Variants in API5 observed in about 807,000 individuals in gnomAD.
API5 encodes apoptosis inhibitor 5, also known as FIF.
API5 carries 6 observed loss-of-function variants against 71.9 expected under a neutral mutation model. The ratio of observed to expected loss-of-function variants is 0.08; its 90% CI spans 0.05 to 0.16. API5 has a LOEUF of 0.16. Among genes scored for constraint, API5 ranks in the 10% least tolerant of loss-of-function variants. API5 has a pLI of 1.00. For synonymous variants in API5, 189 were observed against 221.3 expected (o/e 0.85, Z 1.30); for missense variants, 332 against 612.8 (o/e 0.54, Z 4.84).
At position 43,323,556 on chromosome 11, in the gene API5, G is replaced by A; in HGVS notation, c.670G>A (p.Glu224Lys). The A allele has an allele frequency of 6.2e-7, 1 of 1,614,130 alleles. No homozygotes were observed. The highest frequency in any genetic ancestry group is 8.5e-7 in the Non-Finnish European group (1 of 1,179,996). Residue 224 changes from glutamate to lysine, a missense_variant, in exon 6 of 14, where the codon GAA becomes AAA. Glu to Lys is a moderately conservative substitution (Grantham distance 56). Around this residue, in one of 3 missense-constraint regions of API5, gnomAD observed 37 missense variants for 31.3 expected, o/e 1.18. Coordinates refer to ENST00000531273, the MANE Select transcript of API5 (RefSeq NM_001142930.2). ...GTTGGTGGCTGAACAGGCCGACCTA[G>A]AACAGACCTTCAATCCCTCGGATCC... Reference protein sequence around the residue: ...VELVAEQADLEQTFNPSDPDC... With the variant: ...VELVAEQADLKQTFNPSDPDC...
intron 7 of API5, among the ~76,000 whole-genome samples, chr11:43,327,127 A>C (rs953817203): frequency 1.3e-5 from 2 of 152,214 alleles, no homozygotes; most frequent in Non-Finnish European, 2.9e-5. Context: ...TCAAGCACCC[A>C]ATAGTGATTA....
In API5 at chr11:43,321,403, T is replaced by C. The variant is rs1854886259; in HGVS notation, c.326-8T>C. The stretch of plus-strand genomic sequence containing the variant: ...TTATATTCATTATGCCACTTTTTCT[T>C]TATCCAGATGACTCTGCAGAATTTA... On this transcript the variant is annotated splice_polypyrimidine_tract_variant and splice_region_variant and intron_variant, in intron 3 of 13. Transcript: ENST00000531273. 7 of 1,600,614 alleles carry C rather than the reference T, an allele frequency of 4.4e-6. No homozygotes were observed. The South Asian group carries it at 7.9e-5, about 18-fold the overall frequency.
At chr11:43,329,381 A>AC in intron 9 of API5, 1 of 154,672 alleles carries the variant, frequency 6.5e-6, no homozygotes, top group Non-Finnish European at 1.4e-5. Context: ...AAAAAATTAA[A>AC]AGACAGAAAT....
chr11:43,330,667 C>T (rs750106472), intron 11 of API5, 103 bp downstream of exon 11: 63 of 881,870 alleles, frequency 7.1e-5, no homozygotes, highest in Non-Finnish European at 5.9e-5. Flanking sequence ...GGGAGGCATG[C>T]AAACTTCTTC....
At chr11:43,323,363 CTT>C (rs756494299) in intron 5 of API5, 65 bp from the exon 6 acceptor site, 141 of 1,336,456 alleles carry the variant, frequency 1.1e-4, no homozygotes, top group Non-Finnish European at 1.2e-4. Context: ...TAGCTATTCT[CTT>C]TCAGTGTTGA....
At chr11:43,336,030 G>A (rs748719759) in intron 13 of API5, 36 bp downstream of exon 13, 1 of 1,605,568 alleles carries the variant, frequency 6.2e-7, no homozygotes, top group Admixed American at 1.7e-5. Context: ...GAATATGAGA[G>A]ATTAGGCAGA....
intron 13 of API5, chr11:43,340,170 A>G (rs1384561137): frequency 9.7e-6 from 3 of 309,958 alleles, no homozygotes; most frequent in South Asian, 8.0e-5. Flanking sequence ...AAAGAAATCA[A>G]GGTAACCCCA....
At position 43,322,088 on chromosome 11, in the gene API5, A is replaced by C. The variant is rs1232489364; in HGVS notation, c.495A>C (p.Glu165Asp). The C allele has an allele frequency of 6.2e-7, 1 of 1,613,202 alleles. No individual in the cohort carries two copies. Among genetic ancestry groups the C allele is most frequent in the Non-Finnish European group, 8.5e-7 (1 of 1,179,734 alleles). Residue 165 changes from glutamate (E) to aspartate (D), a missense_variant, in exon 5 of 14, where the codon GAA (glutamate) becomes GAC (aspartate). Physicochemically the swap from Glu to Asp is conservative, Grantham distance 45 (BLOSUM62 2). Coordinates refer to ENST00000531273, the MANE Select transcript of API5 (RefSeq NM_001142930.2). Reference sequence around the variant, plus strand: ...CAAAACTTAAGACTTTACCAGATGAAGTCTTAACAAAGGAAGTGGAAGAGC... The same window carrying C: ...CAAAACTTAAGACTTTACCAGATGACGTCTTAACAAAGGAAGTGGAAGAGC... ...LSTKLKTLPD[E>D]VLTKEVEELI...
rs746424908 is a variant in API5, at chr11:43,312,120, C to T, written c.-8C>T. 13 of 1,613,410 alleles carry T rather than the reference C, an allele frequency of 8.1e-6. No homozygotes were observed. In the Admixed American group the frequency reaches 2.0e-4, roughly 25 times the overall value. On this transcript the variant is annotated 5_prime_UTR_variant, in exon 1 of 14. Coordinates refer to ENST00000531273, the MANE Select transcript of API5 (RefSeq NM_001142930.2). ...TAGCGGAACCGGGCCCTGGGCTTGTCGCTCACCATGCCGACAGTAGAGGAG... is the reference window on the plus strand; with the variant it reads ...TAGCGGAACCGGGCCCTGGGCTTGTTGCTCACCATGCCGACAGTAGAGGAG...
intron 12 of API5, 62 bp from the exon 13 acceptor site, chr11:43,335,796 T>C: frequency 6.6e-7 from 1 of 1,508,292 alleles, no homozygotes; most frequent in South Asian, 1.3e-5. Context: ...AAATTATAAA[T>C]GTATTGATAG....
At chr11:43,323,783 A>G (rs940623476) in intron 6 of API5, 147 bp downstream of exon 6, 10 of 789,602 alleles carry the variant, frequency 1.3e-5, no homozygotes, top group Admixed American at 1.1e-4. Context: ...ATTTTTGAAT[A>G]TTTGCATTGT....
chr11:43,335,780 T>TA, intron 12 of API5, 78 bp from the exon 13 acceptor site: 1 of 1,443,082 alleles, frequency 6.9e-7, no homozygotes, highest in Non-Finnish European at 9.3e-7. Context: ...TCCTAACTGA[T>TA]ATGCTAAATT....
chr11:43,312,205 A>C lies in API5; in HGVS notation c.69+9A>C, dbSNP rs1854496285. 1 of 1,612,990 alleles carries C rather than the reference A, an allele frequency of 6.2e-7. No homozygotes were observed. Among genetic ancestry groups the C allele is most frequent in the Non-Finnish European group, 8.5e-7 (1 of 1,179,356 alleles). On this transcript the variant is annotated intron_variant, in intron 1 of 13. Transcript: ENST00000531273. ...CGGAGCAAGTGGGCCAGGTGAGTTG[A>C]GTCCCCGGGCGGCCTGCAGGGCCTG...
In API5 at chr11:43,322,062, A is replaced by G. The variant is rs1364477720; in HGVS notation, c.469A>G (p.Thr157Ala). The change falls in exon 5 of 14, where the codon ACA becomes GCA. Residue 157 changes from threonine to alanine, a missense_variant. Physicochemically the swap from Thr to Ala is moderately conservative, Grantham distance 58. This residue lies in a region of API5 where 127 missense variants were observed against 237.6 expected (regional missense o/e 0.53). Transcript: ENST00000531273. ...VRERAIKFLSTKLKTLPDEVL... is the reference protein window; with the variant it reads ...VRERAIKFLSAKLKTLPDEVL... ...AGAACGAGCAATTAAATTCCTTTCT[A>G]CAAAACTTAAGACTTTACCAGATGA... is the stretch of plus-strand genomic sequence containing the variant. 1.2e-6 allele frequency: 2 copies of G among 1,613,762 alleles called. No homozygotes were observed. The highest frequency in any genetic ancestry group is 2.2e-5 in the East Asian group (1 of 44,822).
intron 6 of API5, among the ~76,000 whole-genome samples, chr11:43,324,796 A>G (rs764937219): frequency 3.3e-5 from 5 of 151,958 alleles, no homozygotes; most frequent in African/African-American, 1.2e-4. Context: ...TCGTGCCTCA[A>G]CTTCCCGAGT....
rs770911252 is a variant in API5, at chr11:43,318,738, T to C, written c.168T>C (p.Phe56=). The change falls in exon 2 of 14, where the codon TTT becomes TTC. Residue 56 remains phenylalanine (F), a synonymous_variant. Coordinates refer to ENST00000531273, the MANE Select transcript of API5 (RefSeq NM_001142930.2). ...TTATTCCGAAATTCTTTAAGCATTT[T>C]CCAGAATTGGCTGATTCTGCTATCA... is the stretch of plus-strand genomic sequence containing the variant. ...AQFIPKFFKH[F]PELADSAINA... is the part of the protein sequence containing the mutation. 1 of 1,613,854 alleles carries C rather than the reference T, an allele frequency of 6.2e-7. No individual in the cohort carries two copies. Among genetic ancestry groups the C allele is most frequent in the Admixed American group, 1.7e-5 (1 of 60,004 alleles).
rs553582816 is a variant in API5 at position 43,330,687 on chromosome 11, G to A, written c.1278+123G>A. ...GCATGCAAACTTCTTCTGGCTCAAAGCATTGAAACAGATAGATACAGTCTC... is the reference window on the plus strand; with the variant it reads ...GCATGCAAACTTCTTCTGGCTCAAAACATTGAAACAGATAGATACAGTCTC... On this transcript the variant is annotated intron_variant, in intron 11 of 13. Coordinates refer to ENST00000531273, the MANE Select transcript of API5 (RefSeq NM_001142930.2). 1.7e-3 allele frequency: 1,306 copies of A among 746,334 alleles called. 14 individuals are homozygous for A. Among genetic ancestry groups the A allele is most frequent in the South Asian group, 0.017 (948 of 57,042 alleles). 46.2% of individuals were successfully genotyped at this position (746,334 alleles called of 1,614,324 possible). A position where few individuals can be genotyped will look rare whatever the true frequency, so the allele number is the denominator to read the frequency against.
intron 1 of API5, among the ~76,000 whole-genome samples, chr11:43,317,217 T>A (rs1465091098): frequency 1.3e-5 from 2 of 152,232 alleles, no homozygotes; most frequent in South Asian, 4.1e-4. Flanking sequence ...TTTATTCATA[T>A]GTCCAAACAA....
Position 43,335,150 on chromosome 11 carries a change from T to G in API5, c.1279-128T>G, listed in dbSNP as rs142473517. ...TGTAAACAAAATTGTTCCTGTTTAA[T>G]TTTCTGTTGCAGTAAGCTCTGTCTC... is the stretch of plus-strand genomic sequence containing the variant. On this transcript the variant is annotated intron_variant, in intron 11 of 13. Coordinates refer to ENST00000531273, the MANE Select transcript of API5 (RefSeq NM_001142930.2). 226 of 694,626 alleles carry G rather than the reference T, an allele frequency of 3.3e-4. 1 individual carries two copies. Among genetic ancestry groups the G allele is most frequent in the Middle Eastern group, 3.2e-3 (8 of 2,522 alleles). 43.0% of individuals were successfully genotyped at this position (694,626 alleles called of 1,614,324 possible). A position where few individuals can be genotyped will look rare whatever the true frequency, so the allele number is the denominator to read the frequency against.
Sources: allele counts gnomAD v4.1 joint callset (sites outside exome capture counted in the v4.1 genomes callset), GRCh38; gene constraint gnomAD v4.1.1; regional missense constraint gnomAD v4.1.1; transcripts MANE v1.5; gene names NCBI Gene and HGNC (gene_info 2026-07-23, HGNC 2026-07-21).